Variants in ATP8A2 observed in about 807,000 individuals in gnomAD.
ATP8A2 encodes phospholipid-transporting ATPase IB.
A neutral mutation model predicts 165.6 loss-of-function variants in ATP8A2; 100 were observed. The observed-to-expected ratio is 0.60, with a 90% CI of 0.51 to 0.71. The LOEUF is 0.71. ATP8A2 is among the 30% of genes least tolerant of loss of function. The pLI is 0.00. For synonymous variants in ATP8A2, 543 were observed against 548.8 expected (o/e 0.99, Z 0.15); for missense variants, 1,227 against 1,479.5 (o/e 0.83, Z 2.80).
At chr13:25,919,358 G>A (rs1954371851) in intron 33 of ATP8A2, among the ~76,000 whole-genome samples, 1 of 152,158 alleles carries the variant, frequency 6.6e-6, no homozygotes, top group Non-Finnish European at 1.5e-5. Flanking sequence ...ATTCTTATCT[G>A]AGCGTACCCT....
intron 35 of ATP8A2, among the ~76,000 whole-genome samples, chr13:25,986,666 T>A (rs959364845): frequency 1.3e-5 from 2 of 152,238 alleles, no homozygotes; most frequent in Non-Finnish European, 2.9e-5. Flanking sequence ...GCAGTGAACA[T>A]GGCAGTGCGG....
intron 24 of ATP8A2, among the ~76,000 whole-genome samples, chr13:25,609,515 T>C (rs1194712318): frequency 1.4e-4 from 3 of 21,362 alleles, no homozygotes; most frequent in African/African-American, 3.0e-4. Flanking sequence ...AATAAAGGAT[T>C]CCAAATATAT....
chr13:25,767,139 G>A (rs1040276087), intron 25 of ATP8A2, among the ~76,000 whole-genome samples: 10 of 152,240 alleles, frequency 6.6e-5, no homozygotes, highest in African/African-American at 2.4e-4. Flanking sequence ...AATCACTTTT[G>A]TGTAGCCAGT....
At chr13:25,528,793 GTATGCACA>G (rs761139565) in intron 2 of ATP8A2, among the ~76,000 whole-genome samples, 7,674 of 86,520 alleles carry the variant, frequency 0.089, 579 homozygotes, top group South Asian at 0.16. Flanking sequence ...TGCAACATGT[GTATGCACA>G]CATATGCAAC....
chr13:25,875,136 T>C (rs1444120423), intron 33 of ATP8A2, among the ~76,000 whole-genome samples: 1 of 152,042 alleles, frequency 6.6e-6, no homozygotes, highest in Non-Finnish European at 1.5e-5. Flanking sequence ...GACACAGAGT[T>C]GCAGTTTTGC....
At chr13:25,732,771 C>T (rs1160617757) in intron 25 of ATP8A2, among the ~76,000 whole-genome samples, 1 of 151,970 alleles carries the variant, frequency 6.6e-6, no homozygotes, top group Non-Finnish European at 1.5e-5. Flanking sequence ...TATAATTTAT[C>T]CCAGTAAAAG....
At chr13:25,786,805 G>T (rs2045040307) in intron 27 of ATP8A2, among the ~76,000 whole-genome samples, 1 of 142,900 alleles carries the variant, frequency 7.0e-6, no homozygotes, top group African/African-American at 2.7e-5. Flanking sequence ...TGCCCAGGCT[G>T]GAGTGCAGTG....
chr13:25,392,749 A>G (rs1248999080), intron 1 of ATP8A2, among the ~76,000 whole-genome samples: 1 of 152,048 alleles, frequency 6.6e-6, no homozygotes, highest in Non-Finnish European at 1.5e-5. Context: ...TAGGATGCCA[A>G]TTTACAACTT....
In ATP8A2 at chr13:25,731,159, G is replaced by GAGAA. The variant is rs761385577; in HGVS notation, c.2384+31819_2384+31822dup. 3.5e-5 allele frequency among the ~76,000 whole-genome samples: 5 copies of GAGAA among 143,398 alleles called. No individual in the cohort carries two copies. The Admixed American group carries it at 3.5e-4, about 10-fold the overall frequency. The allele number at this position is 143,398 out of a possible 152,430, so 94.1% of individuals were successfully genotyped here. ...GAGAGAGAGAAATAAAAGAAAGAAAGAGAAAGAAGGAAGGAAAGAAAGAAA... is the reference window on the plus strand; with the variant it reads ...GAGAGAGAGAAATAAAAGAAAGAAAGAGAAAGAAAGAAGGAAGGAAAGAAAGAAA... On this transcript the variant is annotated intron_variant, in intron 25 of 36. Coordinates refer to ENST00000381655, the MANE Select transcript of ATP8A2 (RefSeq NM_016529.6).
chr13:25,611,977 G>C (rs947698231), intron 24 of ATP8A2, among the ~76,000 whole-genome samples: 5 of 152,040 alleles, frequency 3.3e-5, no homozygotes, highest in Non-Finnish European at 5.9e-5. Context: ...GGTATCAGTT[G>C]TAATAACTCC....
At chr13:25,629,481 C>T (rs2041184725) in intron 24 of ATP8A2, among the ~76,000 whole-genome samples, 1 of 152,098 alleles carries the variant, frequency 6.6e-6, no homozygotes, top group Non-Finnish European at 1.5e-5. Flanking sequence ...CTTCCAATCA[C>T]CATTAGTAAT....
intron 30 of ATP8A2, among the ~76,000 whole-genome samples, chr13:25,850,331 C>CT (rs990091374): frequency 7.2e-5 from 11 of 152,128 alleles, no homozygotes; most frequent in South Asian, 6.2e-4. Flanking sequence ...TTTATAGAGA[C>CT]TTTTTTGGAG....
chr13:25,731,765 G>C (rs1324946829), intron 25 of ATP8A2, among the ~76,000 whole-genome samples: 1 of 152,168 alleles, frequency 6.6e-6, no homozygotes, highest in African/African-American at 2.4e-5. Flanking sequence ...AAGCACATGA[G>C]GTGACGAATA....
At chr13:25,531,445 TTA>T (rs976645726) in intron 4 of ATP8A2, among the ~76,000 whole-genome samples, 9 of 49,596 alleles carry the variant, frequency 1.8e-4, no homozygotes, top group Admixed American at 7.1e-4. Context: ...ATATATATGA[TTA>T]TATATATGAT....
intron 33 of ATP8A2, among the ~76,000 whole-genome samples, chr13:25,960,933 C>G (rs2139183528): frequency 6.6e-6 from 1 of 152,330 alleles, no homozygotes; most frequent in East Asian, 1.9e-4. Flanking sequence ...TCTCTAGCTA[C>G]TGAAATCGTG....
chr13:25,507,792 G>A (rs1302458595), intron 2 of ATP8A2, among the ~76,000 whole-genome samples: 1 of 152,178 alleles, frequency 6.6e-6, no homozygotes, highest in Non-Finnish European at 1.5e-5. Flanking sequence ...CCAATGTCCA[G>A]TACCTCTTTG....
chr13:25,541,517 T>C (rs1327419689), intron 8 of ATP8A2, among the ~76,000 whole-genome samples: 2 of 152,128 alleles, frequency 1.3e-5, no homozygotes, highest in Non-Finnish European at 2.9e-5. Context: ...AGTGAGACCC[T>C]GTCTCTTAAA....
At chr13:25,567,578 T>C (rs566730190) in intron 16 of ATP8A2, among the ~76,000 whole-genome samples, 1 of 152,292 alleles carries the variant, frequency 6.6e-6, no homozygotes, top group South Asian at 2.1e-4. Flanking sequence ...TTCAAGGGCA[T>C]TTTAATCTGG....
At chr13:25,936,618 C>G (rs189123310) in intron 33 of ATP8A2, among the ~76,000 whole-genome samples, 3 of 152,162 alleles carry the variant, frequency 2.0e-5, no homozygotes, top group Non-Finnish European at 4.4e-5. Context: ...GATCATGGCA[C>G]GTAAGCATCC....
Sources: allele counts gnomAD v4.1 joint callset (sites outside exome capture counted in the v4.1 genomes callset), GRCh38; gene constraint gnomAD v4.1.1; transcripts MANE v1.5; gene names NCBI Gene and HGNC (gene_info 2026-07-23, HGNC 2026-07-21).